The following NCOR2 variants were observed in gnomAD, a reference collection of about 807,000 sequenced individuals.
The protein encoded by NCOR2 is nuclear receptor corepressor 2, also known as CTG repeat protein 26.
In NCOR2, 81 loss-of-function variants were observed where a neutral mutation model predicts 262.9. The ratio of observed to expected loss-of-function variants is 0.31; its 90% CI spans 0.26 to 0.37. The LOEUF (loss-of-function observed/expected upper bound fraction) is 0.37, where lower values mean the gene tolerates loss of function less well. Among genes scored for constraint, NCOR2 ranks in the 10% least tolerant of loss-of-function variants. The pLI is 1.00. For synonymous variants in NCOR2, 1,659 were observed against 1,559.3 expected, an observed-to-expected ratio of 1.06 and a Z score of -1.51; for missense variants, 3,385 against 3,621.4, an observed-to-expected ratio of 0.93 and a Z score of 1.68.
At chr12:124,387,103 C>A (rs1449563491) in intron 16 of NCOR2, among the ~76,000 whole-genome samples, 3 of 152,248 alleles carry the variant, frequency 2.0e-5, no homozygotes, top group African/African-American at 7.2e-5. Context: ...AGGTTTTAAC[C>A]ATTTTCCTTG....
intron 4 of NCOR2, among the ~76,000 whole-genome samples, chr12:124,466,694 C>T (rs1319177146): frequency 6.6e-6 from 1 of 152,018 alleles, no homozygotes; most frequent in Non-Finnish European, 1.5e-5. Context: ...TTACCCATTA[C>T]GGTTCCTACA....
chr12:124,346,639 G>A, exon 31 of NCOR2: 2 of 1,594,434 alleles, frequency 1.3e-6, no homozygotes, highest in Non-Finnish European at 1.7e-6. Context: ...CCTCGCGCGG[G>A]ATCTCATGGA....
At chr12:124,412,715 A>C (rs1244584181) in intron 13 of NCOR2, among the ~76,000 whole-genome samples, 2 of 152,250 alleles carry the variant, frequency 1.3e-5, no homozygotes, top group Non-Finnish European at 2.9e-5. Flanking sequence ...GCTGACCCCC[A>C]GCACCGAGGT....
intron 13 of NCOR2, among the ~76,000 whole-genome samples, chr12:124,408,076 G>A (rs2042371630): frequency 6.6e-6 from 1 of 152,320 alleles, no homozygotes; most frequent in East Asian, 1.9e-4. Flanking sequence ...AAGGCGTGGC[G>A]GGGCGCGGTG....
chr12:124,522,100 G>T (rs1048973163), intron 1 of NCOR2, among the ~76,000 whole-genome samples: 2 of 152,180 alleles, frequency 1.3e-5, no homozygotes, highest in East Asian at 3.9e-4. Context: ...TGAAAGCTGG[G>T]TCCAACTCCC....
At chr12:124,496,826 C>T (rs1167379460), upstream of NCOR2, among the ~76,000 whole-genome samples, 1 of 152,098 alleles carries the variant, frequency 6.6e-6, no homozygotes, top group Non-Finnish European at 1.5e-5. This position sits in a 1 kb window ranked among gnomAD's most constrained non-coding sequence, Gnocchi z 4.4. Context: ...CAAGGATGAG[C>T]CTGTGACCCA....
intron 44 of NCOR2, chr12:124,329,286 A>G: frequency 2.9e-6 from 1 of 349,944 alleles, no homozygotes; most frequent in Non-Finnish European, 5.7e-6. Flanking sequence ...ATATGATGAA[A>G]CCCCGTCTCT....
intron 37 of NCOR2, among the ~76,000 whole-genome samples, chr12:124,338,049 T>A (rs2036041625): frequency 6.6e-6 from 1 of 152,248 alleles, no homozygotes; most frequent in African/African-American, 2.4e-5. Context: ...CTGCTGGGTC[T>A]GAGTCAGGGG....
At chr12:124,472,888 G>A (rs543570022) in intron 4 of NCOR2, 64 bp downstream of exon 6, 50 of 1,598,310 alleles carry the variant, frequency 3.1e-5, no homozygotes, top group African/African-American at 9.4e-5. Flanking sequence ...CTGTGACACC[G>A]CTGTCACTGC....
At position 124,517,887 on chromosome 12, in the gene NCOR2, G is replaced by A. The variant is rs993022495; in HGVS notation, c.-118+17678C>T. Among the ~76,000 whole-genome samples the A allele has an allele frequency of 3.3e-5, 5 of 152,166 alleles. No homozygotes were observed. Among genetic ancestry groups the A allele is most frequent in the East Asian group, 1.9e-4 (1 of 5,178 alleles). ...CTGAGCTCAGGGCCGACAACACTGC[G>A]CTGCCAGGGGAGGGTCCAGCTGCCC... is the stretch of plus-strand genomic sequence containing the variant. On this transcript the variant is annotated intron_variant, in intron 1 of 46. Coordinates refer to the NCOR2 transcript ENST00000404621. The surrounding 1 kb of genome is among the most constrained non-coding windows in gnomAD (Gnocchi z 7.6).
chr12:124,465,094 C>A (rs868211484), intron 5 of NCOR2, among the ~76,000 whole-genome samples: 1 of 152,036 alleles, frequency 6.6e-6, no homozygotes, highest in Non-Finnish European at 1.5e-5. Context: ...GGCCTCCCCA[C>A]CCCCACCTCA....
At position 124,397,376 on chromosome 12, in the gene NCOR2, C is replaced by T. The variant is rs371403405; in HGVS notation, c.1876+743G>A. ...CAAACCGAGGCCCAGAGGCAGGTCACTGTGCTGGGAAGTAAAGATCTTGGC... is the reference window on the plus strand; with the variant it reads ...CAAACCGAGGCCCAGAGGCAGGTCATTGTGCTGGGAAGTAAAGATCTTGGC... On this transcript the variant is annotated intron_variant, in intron 16 of 46. Transcript: ENST00000405201. 1.6e-3 allele frequency among the ~76,000 whole-genome samples: 241 copies of T among 152,370 alleles called. 2 individuals are homozygous for T. Among genetic ancestry groups the T allele is most frequent in the African/African-American group, 5.3e-3 (221 of 41,594 alleles).
chr12:124,416,375 G>T (rs568108379), intron 13 of NCOR2, among the ~76,000 whole-genome samples: 4 of 152,256 alleles, frequency 2.6e-5, no homozygotes, highest in African/African-American at 9.6e-5. Context: ...CTGAAGACAC[G>T]CGCTGTCTCT....
intron 1 of NCOR2, among the ~76,000 whole-genome samples, chr12:124,565,156 A>G (rs1366273616): frequency 1.3e-5 from 2 of 152,158 alleles, no homozygotes; most frequent in Non-Finnish European, 2.9e-5. Context: ...TGACAGCCAC[A>G]TTACCATTTA....
intron 28 of NCOR2, among the ~76,000 whole-genome samples, chr12:124,350,172 G>A (rs551831863): frequency 7.2e-5 from 11 of 152,184 alleles, no homozygotes; most frequent in Non-Finnish European, 1.2e-4. Flanking sequence ...AGAGCCTAGA[G>A]AGGGAGAGGA....
At chr12:124,465,098 C>T (rs867024670) in intron 5 of NCOR2, among the ~76,000 whole-genome samples, 1 of 152,150 alleles carries the variant, frequency 6.6e-6, no homozygotes, top group Non-Finnish European at 1.5e-5. Flanking sequence ...TCCCCACCCC[C>T]ACCTCAACTC....
At chr12:124,390,059 ACCCCCAGC>A (rs1565901022) in intron 16 of NCOR2, among the ~76,000 whole-genome samples, 1 of 151,870 alleles carries the variant, frequency 6.6e-6, no homozygotes, top group African/African-American at 2.4e-5. Context: ...ATGTCCCTGC[ACCCCCAGC>A]CCTCGTCCTG....
chr12:124,403,761 C>T (rs2042112938), intron 13 of NCOR2, among the ~76,000 whole-genome samples: 1 of 152,166 alleles, frequency 6.6e-6, no homozygotes, highest in Non-Finnish European at 1.5e-5. Context: ...GTGCCTGACC[C>T]GCACACAACG....
At chr12:124,373,606 G>A (rs547114202) in intron 19 of NCOR2, among the ~76,000 whole-genome samples, 1 of 130,454 alleles carries the variant, frequency 7.7e-6, no homozygotes, top group Admixed American at 7.3e-5. Context: ...CAGGGGCCCC[G>A]GGCACAGTGG....
Sources: allele counts gnomAD v4.1 joint callset (sites outside exome capture counted in the v4.1 genomes callset), GRCh38; gene constraint gnomAD v4.1.1; non-coding constraint Gnocchi (gnomAD v3.1); transcripts MANE v1.5; gene names NCBI Gene and HGNC (gene_info 2026-07-23, HGNC 2026-07-21).